Variants in NTF4 observed in about 807,000 individuals in gnomAD.
NTF4 encodes neurotrophin-4.
In NTF4, 2 loss-of-function variants were observed where a neutral mutation model predicts 4.4. That is an observed-to-expected ratio of 0.46 (90% CI 0.19 to 1.44). The LOEUF is 1.44. Among genes scored for constraint, NTF4 ranks in the 40% most tolerant of loss-of-function variants. The probability of loss-of-function intolerance (pLI) is 0.26; values close to 1 mark genes in which losing one functional copy is unlikely to be tolerated. For synonymous variants in NTF4, 127 were observed against 122.0 expected, an observed-to-expected ratio of 1.04 and a Z score of -0.27; for missense variants, 260 against 293.0, an observed-to-expected ratio of 0.89 and a Z score of 0.82.
chr19:49,063,406 C>CT (rs2040177283), upstream of NTF4, among the ~76,000 whole-genome samples: 1 of 151,812 alleles, frequency 6.6e-6, no homozygotes, highest in African/African-American at 2.4e-5. Context: ...CAAGCTCCGC[C>CT]TCCCAAGTTC....
Position 49,061,760 on chromosome 19 carries a change from G to GCCGGCTGCGGTTGGCCGGGGCA in NTF4, c.216_237dup (p.Arg80CysfsTer21). 4 of 1,592,426 alleles carry GCCGGCTGCGGTTGGCCGGGGCA rather than the reference G, an allele frequency of 2.5e-6. No individual in the cohort carries two copies. The South Asian group carries it at 4.5e-5, about 18-fold the overall frequency. ...GCTGGTGCAGTTTCGCTCACCCCAC[G>GCCGGCTGCGGTTGGCCGGGGCA]CCGGCTGCGGTTGGCCGGGGCACCT... is the stretch of plus-strand genomic sequence containing the variant. On this transcript the variant is annotated frameshift_variant, in exon 1 of 1. Coordinates refer to ENST00000593537, the Ensembl canonical transcript of NTF4. LOFTEE classifies it low-confidence loss of function (END_TRUNC). This position sits in a 1 kb window ranked among gnomAD's most constrained non-coding sequence, Gnocchi z 4.9.
In NTF4 at chr19:49,061,956, A is replaced by G; in HGVS notation, c.42T>C (p.Leu14=). 6.7e-7 allele frequency: 1 copy of G among 1,503,178 alleles called. No homozygotes were observed. Among genetic ancestry groups the G allele is most frequent in the Non-Finnish European group, 9.0e-7 (1 of 1,115,148 alleles). 93.1% of individuals were successfully genotyped at this position (1,503,178 alleles called of 1,614,324 possible). ...CAATTGGCACACTGGGGAGGAGGAA[A>G]AGGAGGAGGATGGGGAGGGAGCATG... The change falls in exon 1 of 1, where the codon CTT becomes CTC. Residue 14 remains leucine, a synonymous_variant. Coordinates refer to ENST00000593537, the Ensembl canonical transcript of NTF4. The surrounding 1 kb of genome is among the most constrained non-coding windows in gnomAD (Gnocchi z 4.9).
chr19:49,058,321 G>C (rs991488112), downstream of NTF4: 7 of 1,485,258 alleles, frequency 4.7e-6, no homozygotes, highest in African/African-American at 1.4e-5. Flanking sequence ...CTTTGCAGTC[G>C]GAGGTAGAGG....
At chr19:49,063,380 C>A (rs888208271), upstream of NTF4, among the ~76,000 whole-genome samples, 1 of 150,446 alleles carries the variant, frequency 6.6e-6, no homozygotes, top group South Asian at 2.1e-4. Context: ...TGCAGTGGCA[C>A]GATCTTGGCT....
chr19:49,058,401 C>T (rs1406619277), downstream of NTF4: 3 of 839,566 alleles, frequency 3.6e-6, no homozygotes, highest in Non-Finnish European at 5.4e-6. Context: ...CCTATCACCC[C>T]CCACCCCAAA....
downstream of NTF4, chr19:49,060,744 C>T (rs1199754660): frequency 2.6e-5 from 4 of 154,670 alleles, no homozygotes; most frequent in African/African-American, 9.6e-5. Flanking sequence ...GGGCTGAACT[C>T]TCCAGCATCC....
chr19:49,062,597 C>A (rs1371175815), upstream of NTF4, among the ~76,000 whole-genome samples: 1 of 151,946 alleles, frequency 6.6e-6, no homozygotes, highest in Non-Finnish European at 1.5e-5. Flanking sequence ...CCAGCTTGGT[C>A]AACATGGTGA....
At position 49,061,356 on chromosome 19, in the gene NTF4, G is replaced by T. The variant is rs755200724; in HGVS notation, c.*9C>A. 3 of 1,611,732 alleles carry T rather than the reference G, an allele frequency of 1.9e-6. No individual in the cohort carries two copies. The highest frequency in any genetic ancestry group is 2.5e-6 in the Non-Finnish European group (3 of 1,180,016). ...GCATCCAGCTCTGTTATTTTCCTGG[G>T]CATGGGTCTCAGGCCCGGCCAGTCC... On this transcript the variant is annotated 3_prime_UTR_variant, in exon 1 of 1. Transcript: ENST00000593537. This position sits in a 1 kb window ranked among gnomAD's most constrained non-coding sequence, Gnocchi z 4.9.
downstream of NTF4, among the ~76,000 whole-genome samples, chr19:49,059,247 TGAAG>T (rs2040103704): frequency 6.6e-6 from 1 of 152,164 alleles, no homozygotes; most frequent in African/African-American, 2.4e-5. Context: ...CCGCACGTGC[TGAAG>T]GAGTCAGCGC....
chr19:49,059,147 C>T (rs944504528), downstream of NTF4, among the ~76,000 whole-genome samples: 41 of 152,232 alleles, frequency 2.7e-4, no homozygotes, highest in African/African-American at 9.4e-4. Context: ...GCTCCAGGGT[C>T]CAGAACCTCC....
downstream of NTF4, among the ~76,000 whole-genome samples, chr19:49,060,068 A>AAAAAAAAAAC (rs2040114907): frequency 1.4e-5 from 2 of 145,062 alleles, no homozygotes; most frequent in Non-Finnish European, 3.0e-5. Flanking sequence ...AAAAAAAAAA[A>AAAAAAAAAAC]AGCTTTTGGT....
Position 49,061,620 on chromosome 19 carries a change from T to C in NTF4, c.378A>G (p.Ala126=). 1 of 1,613,906 alleles carries C rather than the reference T, an allele frequency of 6.2e-7. No individual in the cohort carries two copies. The highest frequency in any genetic ancestry group is 1.1e-5 in the South Asian group (1 of 91,084). Residue 126 remains alanine, a synonymous_variant, in exon 1 of 1, where the codon GCA becomes GCG. Coordinates refer to ENST00000593537, the Ensembl canonical transcript of NTF4. The surrounding 1 kb of genome is among the most constrained non-coding windows in gnomAD (Gnocchi z 4.9). Reference sequence around the variant, plus strand: ...ACTGGCGGAGGGGACTGCCGCCAGCTGCAGGCACCTCGCCCAACACCTCCA... The same window carrying C: ...ACTGGCGGAGGGGACTGCCGCCAGCCGCAGGCACCTCGCCCAACACCTCCA...
At chr19:49,063,064 TG>T (rs1212588475), upstream of NTF4, among the ~76,000 whole-genome samples, 1 of 152,028 alleles carries the variant, frequency 6.6e-6, no homozygotes, top group African/African-American at 2.4e-5. Context: ...TGGAGTACAG[TG>T]GCACAATCCT....
chr19:49,058,498 G>A (rs1009593444), downstream of NTF4: 14 of 560,382 alleles, frequency 2.5e-5, no homozygotes, highest in Middle Eastern at 4.7e-4. Flanking sequence ...TCAGACCCAG[G>A]ACTCCAGGAC....
chr19:49,061,797 A>G lies in NTF4; in HGVS notation c.201T>C (p.Phe67=). The G allele has an allele frequency of 3.2e-6, 5 of 1,556,158 alleles. No homozygotes were observed. Among genetic ancestry groups the G allele is most frequent in the Non-Finnish European group, 4.3e-6 (5 of 1,150,584 alleles). ...TGGCCGGGGCACCTGCTGACTCCCG[A>G]AAGGCCCCAGCCTCCAGCAGGAAGA... The change falls in exon 1 of 1, where the codon TTT becomes TTC. Residue 67 remains phenylalanine, a synonymous_variant. Transcript: ENST00000593537. The surrounding 1 kb of genome is among the most constrained non-coding windows in gnomAD (Gnocchi z 4.9).
downstream of NTF4, chr19:49,060,651 T>G (rs560999802): frequency 4.6e-5 from 7 of 152,196 alleles, no homozygotes; most frequent in African/African-American, 1.7e-4. Context: ...GCTGGAAAAT[T>G]TTAAGGTCTG....
chr19:49,062,647 G>T (rs2040167586), upstream of NTF4, among the ~76,000 whole-genome samples: 2 of 150,850 alleles, frequency 1.3e-5, no homozygotes, highest in Admixed American at 1.3e-4. Flanking sequence ...ACCCGGGTGT[G>T]GTGGCGCATG....
chr19:49,064,684 A>T (rs2040195739), upstream of NTF4: 1 of 153,670 alleles, frequency 6.5e-6, no homozygotes, highest in South Asian at 1.8e-4. Flanking sequence ...CTCCTCTCTC[A>T]GACCCAGGAG....
chr19:49,061,566 A>G lies in NTF4; in HGVS notation c.432T>C (p.Asp144=). Residue 144 remains aspartate, a synonymous_variant, in exon 1 of 1, where the codon GAT becomes GAC. Transcript: ENST00000593537. The surrounding 1 kb of genome is among the most constrained non-coding windows in gnomAD (Gnocchi z 4.9). ...CCCCCGGGCCACCTTCCTCAGCGTT[A>G]TCAGCCTTGCAGCGGGTTTCAAAGA... The G allele has an allele frequency of 6.2e-7, 1 of 1,614,174 alleles. No individual in the cohort carries two copies. Among genetic ancestry groups the G allele is most frequent in the Non-Finnish European group, 8.5e-7 (1 of 1,180,024 alleles).
Sources: gnomAD v4.1 joint callset for allele counts (sites outside exome capture counted in the v4.1 genomes callset) on GRCh38, gnomAD v4.1.1 for gene constraint, Gnocchi (gnomAD v3.1) non-coding constraint, MANE v1.5 for transcripts, NCBI Gene and HGNC (gene_info 2026-07-23, HGNC 2026-07-21) for gene names.